MYL5: variants seen among roughly 807,000 people sequenced by gnomAD.
The protein encoded by MYL5 is myosin light chain 5.
MYL5 carries 28 observed loss-of-function variants against 20.8 expected under a neutral mutation model. The ratio of observed to expected loss-of-function variants is 1.35; its 90% CI spans 1.00 to 1.84. MYL5 has a LOEUF of 1.84. MYL5 is among the 40% of genes most tolerant of loss of function. The pLI is 0.00. For missense variants in MYL5, 274 were observed against 227.3 expected (o/e 1.21, Z -1.32); for synonymous variants, 118 against 87.4 (o/e 1.35, Z -1.95).
In MYL5 at chr4:680,028, G is replaced by A. The variant is rs71602501; in HGVS notation, c.292+10G>A. On this transcript the variant is annotated intron_variant, in intron 4 of 6. Transcript: ENST00000400159. ...GGGGAGAAGCTGAGCGGTGAGCACCGGTGGGGCAGGCCTGGCCCTCCTAGC... is the reference window on the plus strand; with the variant it reads ...GGGGAGAAGCTGAGCGGTGAGCACCAGTGGGGCAGGCCTGGCCCTCCTAGC... The A allele has an allele frequency of 0.022, 36,032 of 1,602,824 alleles. 430 individuals carry two copies. The highest frequency in any genetic ancestry group is 0.029 in the Middle Eastern group (177 of 6,020).
chr4:676,975 GT>G (rs1738903495), upstream of MYL5: 2 of 969,336 alleles, frequency 2.1e-6, no homozygotes, highest in Non-Finnish European at 2.5e-6. Context: ...CCCTCAGGGG[GT>G]AGGACCTCTG....
At chr4:680,196 G>A (rs561618620) in intron 4 of MYL5, among the ~76,000 whole-genome samples, 178 bp downstream of exon 6, 8 of 151,268 alleles carry the variant, frequency 5.3e-5, no homozygotes, top group Non-Finnish European at 8.9e-5. Context: ...GCTCAGGCCC[G>A]CCCTCCTGCC....
intron 5 of MYL5, 35 bp from the exon 8 acceptor site, chr4:681,057 C>T (rs1430452049): frequency 1.3e-6 from 2 of 1,572,506 alleles, no homozygotes; most frequent in Non-Finnish European, 1.7e-6. Context: ...TGCACCCCCG[C>T]ATCAGCCCGC....
chr4:676,479 C>T (rs1358950677), upstream of MYL5: 3 of 152,234 alleles, frequency 2.0e-5, no homozygotes, highest in Non-Finnish European at 4.4e-5. Flanking sequence ...TGGGACGGGT[C>T]CCACCTGGCT....
rs1472635330 is a variant in MYL5, at chr4:680,588, G to A, written c.371+1G>A. ...GGAAAGGGAAAATCAACAAGGAGTA[G>A]TGAGTGCCCGGGCGGCCAGGGCGGC... On this transcript the variant is annotated splice_donor_variant, in intron 5 of 6. Transcript: ENST00000400159. LOFTEE classifies it high-confidence loss of function. The A allele has an allele frequency of 1.2e-6, 2 of 1,612,474 alleles. No homozygotes were observed. Among genetic ancestry groups the A allele is most frequent in the South Asian group, 2.2e-5 (2 of 91,082 alleles).
exon 5 of MYL5, chr4:680,587 A>G: frequency 6.2e-7 from 1 of 1,612,518 alleles, no homozygotes; most frequent in Non-Finnish European, 8.5e-7. Flanking sequence ...AACAAGGAGT[A>G]GTGAGTGCCC....
intron 2 of MYL5, 35 bp downstream of exon 4, chr4:678,800 C>A: frequency 1.2e-6 from 2 of 1,608,158 alleles, no homozygotes; most frequent in South Asian, 1.1e-5. Context: ...AGCCCCCACC[C>A]CCAGGAGCCT....
chr4:676,727 C>T (rs1288660252), upstream of MYL5, among the ~76,000 whole-genome samples: 1 of 152,142 alleles, frequency 6.6e-6, no homozygotes, highest in Non-Finnish European at 1.5e-5. Context: ...CCAGCAGTGC[C>T]CCTTCAGGAT....
At chr4:678,106 C>CAG in intron 1 of MYL5, 77 bp downstream of exon 3, 1 of 1,594,120 alleles carries the variant, frequency 6.3e-7, no homozygotes, top group South Asian at 1.1e-5. Flanking sequence ...TGCGCACAGA[C>CAG]GAGCGTGGGC....
At chr4:681,988 G>A (rs76052398) in exon 7 of MYL5, 3 of 1,410,370 alleles carry the variant, frequency 2.1e-6, no homozygotes, top group African/African-American at 3.0e-5. Flanking sequence ...AGGAGAAGGA[G>A]GAGTGAGACC....
chr4:675,900 C>T (rs187795501), upstream of MYL5: 8 of 152,384 alleles, frequency 5.2e-5, no homozygotes, highest in South Asian at 8.3e-4. Context: ...AGTTTCATCC[C>T]GAAACCTTCC....
exon 6 of MYL5, chr4:681,117 G>A: frequency 1.2e-6 from 2 of 1,607,094 alleles, no homozygotes; most frequent in Non-Finnish European, 1.7e-6. Flanking sequence ...GATGTCCCAG[G>A]CTGACAAGAT....
intron 6 of MYL5, 55 bp downstream of exon 8, chr4:681,195 G>A (rs1364646542): frequency 1.3e-5 from 21 of 1,565,896 alleles, no homozygotes; most frequent in Non-Finnish European, 1.8e-5. Flanking sequence ...GGCTCCCGGG[G>A]TCAGCTGGGT....
upstream of MYL5, among the ~76,000 whole-genome samples, chr4:677,162 T>TG (rs1287917950): frequency 2.0e-5 from 3 of 152,172 alleles, no homozygotes; most frequent in African/African-American, 7.2e-5. Flanking sequence ...GACGCAGGCC[T>TG]GGGGGGCTCC....
chr4:678,810 T>G (rs1739125029), intron 2 of MYL5, 45 bp downstream of exon 4: 1 of 1,607,410 alleles, frequency 6.2e-7, no homozygotes, highest in African/African-American at 1.3e-5. Context: ...CCCAGGAGCC[T>G]GTGCTGGGAA....
upstream of MYL5, chr4:677,848 G>C: frequency 9.7e-7 from 1 of 1,027,518 alleles, no homozygotes; most frequent in Non-Finnish European, 1.5e-6. Context: ...AAGGGTGTGA[G>C]TCACTGCCAG....
At chr4:680,243 CCTCA>C (rs1197565505) in intron 4 of MYL5, among the ~76,000 whole-genome samples, 1 of 152,164 alleles carries the variant, frequency 6.6e-6, no homozygotes, top group Non-Finnish European at 1.5e-5. Context: ...CACCTCTGTC[CCTCA>C]CTCATGCAGC....
chr4:679,029 C>T (rs1437106360), exon 3 of MYL5: 4 of 1,613,376 alleles, frequency 2.5e-6, no homozygotes, highest in Non-Finnish European at 3.4e-6. Context: ...CCTATGCCTC[C>T]CTGGGTAGGT....
intron 5 of MYL5, 129 bp from the exon 8 acceptor site, chr4:680,963 A>C (rs1298498636): frequency 1.9e-6 from 2 of 1,067,928 alleles, no homozygotes; most frequent in Non-Finnish European, 2.8e-6. Flanking sequence ...CCCCAGGGCC[A>C]CACTCCAGCG....
Sources: allele counts gnomAD v4.1 joint callset (sites outside exome capture counted in the v4.1 genomes callset), GRCh38; gene constraint gnomAD v4.1.1; transcripts MANE v1.5; gene names NCBI Gene and HGNC (gene_info 2026-07-23, HGNC 2026-07-21).